The following MRC2 variants were observed in gnomAD, a reference collection of about 807,000 sequenced individuals.
MRC2 encodes the protein mannose receptor C-type 2.
Under a neutral mutation model 206.2 loss-of-function variants are expected in MRC2, and 84 were observed. The ratio of observed to expected loss-of-function variants is 0.41; its 90% CI spans 0.34 to 0.49. The LOEUF is 0.49. Among genes scored for constraint, MRC2 ranks in the 20% least tolerant of loss-of-function variants. The pLI is 0.31. For missense variants in MRC2, 1,676 were observed against 2,001.5 expected (o/e 0.84, Z 3.10); for synonymous variants, 798 against 800.0 (o/e 1.00, Z 0.04).
At chr17:62,646,272 C>T (rs2088484373) in intron 1 of MRC2, among the ~76,000 whole-genome samples, 1 of 152,124 alleles carries the variant, frequency 6.6e-6, no homozygotes, top group Non-Finnish European at 1.5e-5. Context: ...GATCCACCTG[C>T]CTCAGCCTCC....
chr17:62,664,627 G>A lies in MRC2; in HGVS notation c.198G>A (p.Pro66=), dbSNP rs761867340. Reference sequence around the variant, plus strand: ...AGGGCGGGCAGGTCAGAGTCACCCCGGCTTGCAATACCAGCCTCCCTGCCC... The same window carrying A: ...AGGGCGGGCAGGTCAGAGTCACCCCAGCTTGCAATACCAGCCTCCCTGCCC... ...EAQGGQVRVT[P]ACNTSLPAQR... The change falls in exon 2 of 30, where the codon CCG becomes CCA. Residue 66 remains proline (P), a synonymous_variant. Transcript: ENST00000303375. The surrounding 1 kb of genome is among the most constrained non-coding windows in gnomAD (Gnocchi z 4.7). The A allele has an allele frequency of 5.0e-5, 80 of 1,613,466 alleles. No homozygotes were observed. Among genetic ancestry groups the A allele is most frequent in the African/African-American group, 6.7e-5 (5 of 74,916 alleles).
At chr17:62,665,289 G>C (rs771621080) in intron 2 of MRC2, among the ~76,000 whole-genome samples, 1 of 151,750 alleles carries the variant, frequency 6.6e-6, no homozygotes, top group Non-Finnish European at 1.5e-5. Context: ...CATAGTCCCA[G>C]CTACTTGGGA....
intron 1 of MRC2, among the ~76,000 whole-genome samples, chr17:62,640,846 G>A (rs1598967867): frequency 6.6e-6 from 1 of 151,858 alleles, no homozygotes; most frequent in African/African-American, 2.4e-5. Flanking sequence ...CACCATGCCC[G>A]GCTAATTTTT....
At position 62,638,544 on chromosome 17, in the gene MRC2, C is replaced by T. The variant is rs529533801; in HGVS notation, c.118+10624C>T. ...CACGAGGTCAGGAGTTCGAGACCAGCCTGGACAACATGGTGAAACCCTGTC... is the reference window on the plus strand; with the variant it reads ...CACGAGGTCAGGAGTTCGAGACCAGTCTGGACAACATGGTGAAACCCTGTC... On this transcript the variant is annotated intron_variant, in intron 1 of 29. Transcript: ENST00000303375. Among the ~76,000 whole-genome samples, 5 of 151,890 alleles carry T rather than the reference C, an allele frequency of 3.3e-5. No homozygotes were observed. The East Asian group carries it at 9.8e-4, about 30-fold the overall frequency.
chr17:62,689,387 G>T, intron 23 of MRC2, 135 bp from the exon 24 acceptor site: 1 of 625,102 alleles, frequency 1.6e-6, no homozygotes. Context: ...CACCTACCAA[G>T]CCTTGGTCTG....
At chr17:62,683,047 A>G (rs776882310) in intron 20 of MRC2, among the ~76,000 whole-genome samples, 1 of 152,236 alleles carries the variant, frequency 6.6e-6, no homozygotes, top group East Asian at 1.9e-4. Context: ...TAACTTATAT[A>G]TGTATATGTG....
intron 20 of MRC2, among the ~76,000 whole-genome samples, chr17:62,687,046 C>G (rs535126857): frequency 1.3e-5 from 2 of 152,278 alleles, no homozygotes; most frequent in South Asian, 2.1e-4. Context: ...CTTTGTATTA[C>G]CACTTTACAG....
intron 6 of MRC2, among the ~76,000 whole-genome samples, chr17:62,669,947 TC>T (rs1415861234): frequency 6.6e-6 from 1 of 152,150 alleles, no homozygotes; most frequent in Non-Finnish European, 1.5e-5. Flanking sequence ...CTAGGGCACC[TC>T]CACCTCTAGC....
chr17:62,681,853 A>C lies in MRC2; in HGVS notation c.2719A>C (p.Ile907Leu), dbSNP rs2088971646. Residue 907 changes from isoleucine to leucine, a missense_variant, in exon 19 of 30, where the codon ATT becomes CTT. This residue lies in a region of MRC2 where 1,354 missense variants were observed against 1,636.6 expected (regional missense o/e 0.83). Coordinates refer to ENST00000303375, the MANE Select transcript of MRC2 (RefSeq NM_006039.5). Reference sequence around the variant, plus strand: ...CCATTGCAGATGGACAGATGGTTCCATTATAAACTTCATCTCCTGGGCACC... The same window carrying C: ...CCATTGCAGATGGACAGATGGTTCCCTTATAAACTTCATCTCCTGGGCACC... ...DGRFRWTDGS[I>L]INFISWAPGK... The C allele has an allele frequency of 6.2e-7, 1 of 1,613,566 alleles. No homozygotes were observed. The highest frequency in any genetic ancestry group is 1.3e-5 in the African/African-American group (1 of 74,912).
intron 12 of MRC2, among the ~76,000 whole-genome samples, chr17:62,677,999 G>A (rs1329819259): frequency 1.3e-5 from 2 of 152,202 alleles, no homozygotes. Context: ...GCAGTGAGCC[G>A]AGATCGTGCC....
intron 1 of MRC2, among the ~76,000 whole-genome samples, chr17:62,651,382 GACAA>G (rs2147449030): frequency 6.6e-6 from 1 of 150,736 alleles, no homozygotes; most frequent in Non-Finnish European, 1.5e-5. Flanking sequence ...GCGCCCGGCC[GACAA>G]ACATCTTTCA....
Position 62,680,759 on chromosome 17 carries a change from T to G in MRC2, c.2474-41T>G. 2.0e-6 allele frequency: 3 copies of G among 1,516,746 alleles called. No homozygotes were observed. Among genetic ancestry groups the G allele is most frequent in the Non-Finnish European group, 2.6e-6 (3 of 1,134,414 alleles). 94.0% of individuals were successfully genotyped at this position (1,516,746 alleles called of 1,614,324 possible). ...CGCCTCCGGGGCCTGGCGTGCAGCC[T>G]CTGCCTGGCCGCCGCTCCCACGCCC... On this transcript the variant is annotated intron_variant, in intron 16 of 29. Coordinates refer to ENST00000303375, the MANE Select transcript of MRC2 (RefSeq NM_006039.5). This position sits in a 1 kb window ranked among gnomAD's most constrained non-coding sequence, Gnocchi z 4.8.
At chr17:62,633,378 C>T (rs1215935841) in intron 1 of MRC2, among the ~76,000 whole-genome samples, 2 of 151,710 alleles carry the variant, frequency 1.3e-5, no homozygotes, top group African/African-American at 4.8e-5. Context: ...GTGGGGGCGC[C>T]TGTAGTCCCA....
chr17:62,673,589 ACCTCTG>A (rs1455969755), intron 8 of MRC2, among the ~76,000 whole-genome samples: 5 of 148,592 alleles, frequency 3.4e-5, no homozygotes, highest in African/African-American at 1.2e-4. Context: ...GCTCACTGGA[ACCTCTG>A]CCTCCCAGGT....
chr17:62,648,624 C>T (rs1265106698), intron 1 of MRC2, among the ~76,000 whole-genome samples: 6 of 152,222 alleles, frequency 3.9e-5, no homozygotes, highest in African/African-American at 1.4e-4. Flanking sequence ...TTGCATCTCC[C>T]TCCTGGGAGA....
In MRC2 at chr17:62,672,771, C is replaced by A. The variant is rs1264276713; in HGVS notation, c.1461+619C>A. Among the ~76,000 whole-genome samples, 1 of 152,172 alleles carries A rather than the reference C, an allele frequency of 6.6e-6. No homozygotes were observed. The highest frequency in any genetic ancestry group is 1.5e-5 in the Non-Finnish European group (1 of 68,036). ...CATTGGGAGGCTGAGGCAGGCGGAT[C>A]ACTTGAGGTGAGGAGTTCGAGACCA... is the stretch of plus-strand genomic sequence containing the variant. On this transcript the variant is annotated intron_variant, in intron 8 of 29. Coordinates refer to ENST00000303375, the MANE Select transcript of MRC2 (RefSeq NM_006039.5). The surrounding 1 kb of genome is among the most constrained non-coding windows in gnomAD (Gnocchi z 4.5).
At chr17:62,689,480 G>C in intron 23 of MRC2, 42 bp from the exon 24 acceptor site, 3 of 1,351,652 alleles carry the variant, frequency 2.2e-6, no homozygotes, top group Non-Finnish European at 2.0e-6. Context: ...AACGGGGTGA[G>C]GGAAGCAGAG....
Position 62,667,780 on chromosome 17 carries a change from G to A in MRC2, c.1117+247G>A, listed in dbSNP as rs1472297919. ...GCAATACCCACTGTTACCTCGTAGA[G>A]ACCACAGTCTGCTGGAGGTGACAGA... On this transcript the variant is annotated intron_variant, in intron 6 of 29. Transcript: ENST00000303375. The surrounding 1 kb of genome is among the most constrained non-coding windows in gnomAD (Gnocchi z 4.1). 6.6e-6 allele frequency among the ~76,000 whole-genome samples: 1 copy of A among 152,238 alleles called. No homozygotes were observed. Among genetic ancestry groups the A allele is most frequent in the Admixed American group, 6.5e-5 (1 of 15,292 alleles).
At chr17:62,674,257 C>A in intron 9 of MRC2, 87 bp downstream of exon 9, 1 of 964,534 alleles carries the variant, frequency 1.0e-6, no homozygotes, top group South Asian at 1.6e-5. Context: ...CTCCTGCTGC[C>A]TCGCATGGCA....
Sources: gnomAD v4.1 joint callset for allele counts (sites outside exome capture counted in the v4.1 genomes callset) on GRCh38, gnomAD v4.1.1 for gene constraint, gnomAD v4.1.1 regional missense constraint, Gnocchi (gnomAD v3.1) non-coding constraint, MANE v1.5 for transcripts, NCBI Gene and HGNC (gene_info 2026-07-23, HGNC 2026-07-21) for gene names.